ZNF302: variants seen among roughly 807,000 people sequenced by gnomAD.
ZNF302 encodes the protein zinc finger protein 302.
ZNF302 carries 12 observed loss-of-function variants against 10.8 expected under a neutral mutation model. The ratio of observed to expected loss-of-function variants is 1.11; its 90% confidence interval spans 0.71 to 1.79. The LOEUF (loss-of-function observed/expected upper bound fraction) is 1.79, where lower values mean the gene tolerates loss of function less well. Among genes scored for constraint, ZNF302 ranks in the 40% most tolerant of loss-of-function variants. The probability of loss-of-function intolerance (pLI) is 0.00; values close to 1 mark genes in which losing one functional copy is unlikely to be tolerated. For missense variants in ZNF302, 461 were observed against 471.1 expected (o/e 0.98, Z 0.20); for synonymous variants, 178 against 157.5 (o/e 1.13, Z -0.98).
rs1690314607 is a variant in ZNF302, at chr19:34,678,826, G to A, written c.9+13G>A. 6.2e-7 allele frequency: 1 copy of A among 1,613,808 alleles called. No homozygotes were observed. On this transcript the variant is annotated intron_variant, in intron 2 of 4. Coordinates refer to ENST00000505242, the MANE Select transcript of ZNF302 (RefSeq NM_001289187.2). ...AATAATGTCTCAGGTAAGTCGGTGT[G>A]TCCCCAAATCTTCCTGAAACACTTT...
intron 2 of ZNF302, among the ~76,000 whole-genome samples, chr19:34,679,401 T>C (rs1315917661): frequency 6.6e-6 from 1 of 152,188 alleles, no homozygotes; most frequent in Non-Finnish European, 1.5e-5. Flanking sequence ...ATTCCTGTCA[T>C]TCCGCAACCT....
At position 34,682,896 on chromosome 19, in the gene ZNF302, A is replaced by G. The variant is rs1444016939; in HGVS notation, c.129A>G (p.Val43=). 10 of 1,613,692 alleles carry G rather than the reference A, an allele frequency of 6.2e-6. No homozygotes were observed. Among genetic ancestry groups the G allele is most frequent in the Non-Finnish European group, 8.5e-6 (10 of 1,179,702 alleles). Reference sequence around the variant, plus strand: ...AGAATTATGAGAACCTGGTCTCTGTAGGTAAGGATATCACCCCTTCCACTC... The same window carrying G: ...AGAATTATGAGAACCTGGTCTCTGTGGGTAAGGATATCACCCCTTCCACTC... ...MVQNYENLVS[V]GLSVTKPYVI... The change falls in exon 3 of 5, where the codon GTA becomes GTG. Residue 43 remains valine (V), a splice_region_variant and synonymous_variant. Transcript: ENST00000505242.
chr19:34,685,005 T>C lies in ZNF302; in HGVS notation c.968T>C (p.Ile323Thr). 6.2e-7 allele frequency: 1 copy of C among 1,613,878 alleles called. No individual in the cohort carries two copies. Among genetic ancestry groups the C allele is most frequent in the Non-Finnish European group, 8.5e-7 (1 of 1,179,914 alleles). Reference protein sequence around the residue: ...YECRICGKAFIHSSSLIHHQK... With the variant: ...YECRICGKAFTHSSSLIHHQK... ...TGTCGTATATGTGGAAAGGCCTTCA[T>C]TCATAGTTCGTCTCTCATTCACCAT... Residue 323 changes from isoleucine to threonine, a missense_variant, in exon 5 of 5, where the codon ATT becomes ACT. Physicochemically the swap from Ile to Thr is moderately conservative, Grantham distance 89. Coordinates refer to ENST00000505242, the MANE Select transcript of ZNF302 (RefSeq NM_001289187.2).
At chr19:34,677,334 G>A (rs1363147270), upstream of ZNF302, 1 of 152,226 alleles carries the variant, frequency 6.6e-6, no homozygotes, top group Non-Finnish European at 1.5e-5. Context: ...ACCTTGGCAC[G>A]GCTGCAGTTT....
Position 34,684,526 on chromosome 19 carries a change from AAGTG to A in ZNF302, c.492_495del (p.Ser164ArgfsTer3), listed in dbSNP as rs758064220. 49 of 1,613,040 alleles carry A rather than the reference AAGTG, an allele frequency of 3.0e-5. No homozygotes were observed. The highest frequency in any genetic ancestry group is 3.7e-5 in the Non-Finnish European group (44 of 1,179,488). ...ATTTATCAAAAAAGTCAGTTATAAA[AAGTG>A]AGAGAATAAATGGTGGAAAGAAACT... On this transcript the variant is annotated frameshift_variant, in exon 5 of 5. Transcript: ENST00000505242. LOFTEE classifies it low-confidence loss of function (END_TRUNC).
rs1486646967 is a variant in ZNF302 at position 34,686,219 on chromosome 19, C to G, written c.*982C>G. The G allele has an allele frequency of 6.6e-6, 1 of 152,170 alleles. No individual in the cohort carries two copies. 9.4% of individuals were successfully genotyped at this position (152,170 alleles called of 1,614,324 possible). On this transcript the variant is annotated 3_prime_UTR_variant, in exon 5 of 5. Coordinates refer to ENST00000505242, the MANE Select transcript of ZNF302 (RefSeq NM_001289187.2). ...AAGTATGCATTTCTTAGAGCAGTAG[C>G]TTGCAGTTTCAGTTGAGTTCTACTT...
chr19:34,682,479 GTTGA>G (rs1172026224), intron 2 of ZNF302: 1 of 256,542 alleles, frequency 3.9e-6, no homozygotes, highest in Non-Finnish European at 7.4e-6. Context: ...AATGTCAAAT[GTTGA>G]TTTTTAAAAA....
chr19:34,681,410 C>T (rs1401665228), intron 2 of ZNF302: 8 of 152,302 alleles, frequency 5.3e-5, no homozygotes, highest in Middle Eastern at 3.4e-3. Flanking sequence ...GAAATCTACT[C>T]TTATTTTTTT....
intron 1 of ZNF302, 73 bp from the exon 2 acceptor site, chr19:34,678,664 A>G: frequency 1.3e-6 from 1 of 779,122 alleles, no homozygotes; most frequent in Non-Finnish European, 2.2e-6. Context: ...TTTTCCATTA[A>G]GGTGTGTGAC....
In ZNF302 at chr19:34,682,852, T is replaced by C. The variant is rs1233384454; in HGVS notation, c.85T>C (p.Tyr29His). The part of the protein sequence containing the change: ...ACLDSAQRDL[Y>H]KDVMVQNYEN... ...CCTAGATTCTGCTCAGAGGGACTTA[T>C]ACAAGGATGTGATGGTCCAGAATTA... The change falls in exon 3 of 5, where the codon TAC becomes CAC. Residue 29 changes from tyrosine (Y) to histidine (H), a missense_variant. Transcript: ENST00000505242. 8.1e-6 allele frequency: 13 copies of C among 1,613,764 alleles called. No individual in the cohort carries two copies. The highest frequency in any genetic ancestry group is 1.7e-5 in the Admixed American group (1 of 59,998).
chr19:34,681,230 G>T (rs2068326586), intron 2 of ZNF302: 1 of 152,240 alleles, frequency 6.6e-6, no homozygotes, highest in Non-Finnish European at 1.5e-5. Flanking sequence ...TAATAACTCT[G>T]TATTAAATGG....
chr19:34,683,189 A>G lies in ZNF302; in HGVS notation c.165A>G (p.Leu55=), dbSNP rs755667329. 6.2e-7 allele frequency: 1 copy of G among 1,614,092 alleles called. No individual in the cohort carries two copies. The highest frequency in any genetic ancestry group is 8.5e-7 in the Non-Finnish European group (1 of 1,179,962). The change falls in exon 4 of 5, where the codon TTA becomes TTG. Residue 55 remains leucine, a synonymous_variant. Coordinates refer to ENST00000505242, the MANE Select transcript of ZNF302 (RefSeq NM_001289187.2). ...LSVTKPYVIM[L]LEDGKEPWMM... ...TAACTAAGCCATATGTGATCATGTT[A>G]TTGGAGGATGGAAAAGAGCCCTGGA...
rs2068629101 is a variant in ZNF302 at position 34,685,781 on chromosome 19, G to C, written c.*544G>C. 1 of 479,212 alleles carries C rather than the reference G, an allele frequency of 2.1e-6. No individual in the cohort carries two copies. Among genetic ancestry groups the C allele is most frequent in the South Asian group, 3.6e-5 (1 of 27,780 alleles). The allele number at this position is 479,212 out of a possible 1,614,324, so 29.7% of individuals were successfully genotyped here. Reference sequence around the variant, plus strand: ...AGATTTTTTTATTAGAGTTTATACTGTAGAGAAATCATATGAAGTCAATAA... The same window carrying C: ...AGATTTTTTTATTAGAGTTTATACTCTAGAGAAATCATATGAAGTCAATAA... On this transcript the variant is annotated 3_prime_UTR_variant, in exon 5 of 5. Coordinates refer to ENST00000505242, the MANE Select transcript of ZNF302 (RefSeq NM_001289187.2).
At chr19:34,683,013 G>A (rs2068441482) in intron 3 of ZNF302, 116 bp downstream of exon 3, 1 of 1,570,908 alleles carries the variant, frequency 6.4e-7, no homozygotes, top group East Asian at 2.2e-5. Flanking sequence ...CCGAGGAAAT[G>A]TGCAGCTCTG....
At chr19:34,681,798 T>C (rs574375351) in intron 2 of ZNF302, 80 of 152,358 alleles carry the variant, frequency 5.3e-4, no homozygotes, top group African/African-American at 1.7e-3. Context: ...CCCTGATCTA[T>C]GACATGAAAC....
rs746866893 is a variant in ZNF302, at chr19:34,684,171, T to TAAAAA, written c.215-36_215-32dup. The TAAAAA allele has an allele frequency of 1.8e-5, 16 of 878,134 alleles. 1 individual carries two copies. Among genetic ancestry groups the TAAAAA allele is most frequent in the East Asian group, 1.3e-4 (2 of 15,450 alleles). The allele number at this position is 878,134 out of a possible 1,614,324, so 54.4% of individuals were successfully genotyped here. On this transcript the variant is annotated intron_variant, in intron 4 of 4. Coordinates refer to ENST00000505242, the MANE Select transcript of ZNF302 (RefSeq NM_001289187.2). ...CACTGTAGAAGCTTTTTTCAAGAAG[T>TAAAAA]AAAAAAAAAAAAAAAAAAAAAAAAA...
At chr19:34,684,216 A>G (rs1223620546) in intron 4 of ZNF302, 36 bp from the exon 5 acceptor site, 190 of 465,112 alleles carry the variant, frequency 4.1e-4, no homozygotes, top group Non-Finnish European at 6.4e-4. Flanking sequence ...AAAAAAAAAA[A>G]AAAAGGCAGT....
chr19:34,685,197 A>C lies in ZNF302; in HGVS notation c.1160A>C (p.His387Pro), dbSNP rs1222830657. 6.2e-7 allele frequency: 1 copy of C among 1,608,726 alleles called. No homozygotes were observed. Among genetic ancestry groups the C allele is most frequent in the South Asian group, 1.1e-5 (1 of 90,206 alleles). ...AGTAGCTTCTCATTTCTTGTTCAACATCAGAGTATTCATACTGAAGAAAAA... is the reference window on the plus strand; with the variant it reads ...AGTAGCTTCTCATTTCTTGTTCAACCTCAGAGTATTCATACTGAAGAAAAA... ...VFSSFSFLVQ[H>P]QSIHTEEKPF... Residue 387 changes from histidine (H) to proline (P), a missense_variant, in exon 5 of 5, where the codon CAT becomes CCT. By Grantham distance (77) the His-to-Pro change is moderately conservative. Transcript: ENST00000505242.
chr19:34,676,296 C>G (rs1325133252), upstream of ZNF302: 3 of 152,166 alleles, frequency 2.0e-5, no homozygotes, highest in Non-Finnish European at 4.4e-5. Flanking sequence ...CTTCACCTCT[C>G]GGTTATATGC....
Sources: gnomAD v4.1 joint callset for allele counts (sites outside exome capture counted in the v4.1 genomes callset) on GRCh38, gnomAD v4.1.1 for gene constraint, MANE v1.5 for transcripts, NCBI Gene and HGNC (gene_info 2026-07-23, HGNC 2026-07-21) for gene names.